The following MATN2 variants were observed in gnomAD, a reference collection of about 807,000 sequenced individuals.
MATN2 encodes matrilin 2, also known as matrilin-2.
Under a neutral mutation model 103.2 loss-of-function variants are expected in MATN2, and 69 were observed. That is an observed-to-expected ratio of 0.67 (90% CI 0.55 to 0.82). The LOEUF (loss-of-function observed/expected upper bound fraction) is 0.82. Among genes scored for constraint, MATN2 ranks in the 40% least tolerant of loss-of-function variants. The pLI is 0.00. For synonymous variants in MATN2, 429 were observed against 450.2 expected (o/e 0.95, Z 0.60); for missense variants, 1,023 against 1,211.5 (o/e 0.84, Z 2.31).
At chr8:97,930,814 G>T (rs1269211814) in intron 2 of MATN2, 139 bp from the exon 3 acceptor site, 2 of 595,962 alleles carry the variant, frequency 3.4e-6, no homozygotes, top group Admixed American at 3.1e-5. Flanking sequence ...TAGAGACAGG[G>T]TTTTACAGTG....
chr8:97,969,606 T>A (rs189415571), intron 5 of MATN2, among the ~76,000 whole-genome samples: 1 of 152,150 alleles, frequency 6.6e-6, no homozygotes, highest in Admixed American at 6.5e-5. Context: ...AGAAGTAGCT[T>A]AAGGCTGGGG....
rs551396726 is a variant in MATN2, at chr8:98,003,616, G to A, written c.1205-45G>A. On this transcript the variant is annotated intron_variant, in intron 7 of 18. Coordinates refer to ENST00000254898, the MANE Select transcript of MATN2 (RefSeq NM_002380.5). ...CCCGAGGGGCTGCCATCAGCCCTGGGAGAGGTCCAGAGTCTGAAGGAAGGT... is the reference window on the plus strand; with the variant it reads ...CCCGAGGGGCTGCCATCAGCCCTGGAAGAGGTCCAGAGTCTGAAGGAAGGT... The A allele has an allele frequency of 8.7e-6, 14 of 1,611,544 alleles. No individual in the cohort carries two copies. The African/African-American group carries it at 1.1e-4, about 12-fold the overall frequency.
intron 2 of MATN2, among the ~76,000 whole-genome samples, chr8:97,919,135 T>C (rs1809728727): frequency 1.3e-5 from 2 of 152,194 alleles, no homozygotes; most frequent in African/African-American, 2.4e-5. Flanking sequence ...TTCTAGACCC[T>C]TGGCAGATGG....
At chr8:97,899,643 C>T (rs979824632) in intron 2 of MATN2, among the ~76,000 whole-genome samples, 1 of 152,138 alleles carries the variant, frequency 6.6e-6, no homozygotes, top group Non-Finnish European at 1.5e-5. Flanking sequence ...GAATTAGGCT[C>T]GCCCTAATAA....
rs140905571 is a variant in MATN2, at chr8:98,022,145, T to C, written c.1942+818T>C. 1.0e-3 allele frequency among the ~76,000 whole-genome samples: 157 copies of C among 152,308 alleles called. 3 individuals are homozygous for C. The East Asian group carries it at 0.026, about 25-fold the overall frequency. On this transcript the variant is annotated intron_variant, in intron 13 of 18. Transcript: ENST00000254898. ...GGCTGAATAAATTAAGGCACATCTA[T>C]GTAATAAAACATGATGCAGCTGTTA...
At chr8:97,961,210 G>A (rs1481090086) in intron 4 of MATN2, among the ~76,000 whole-genome samples, 198 bp from the exon 5 acceptor site, 1 of 152,158 alleles carries the variant, frequency 6.6e-6, no homozygotes, top group Non-Finnish European at 1.5e-5. Flanking sequence ...ATTACAGATG[G>A]GGGGATTACA....
intron 2 of MATN2, among the ~76,000 whole-genome samples, chr8:97,908,525 A>G (rs1819256614): frequency 6.6e-6 from 1 of 152,246 alleles, no homozygotes; most frequent in Admixed American, 6.5e-5. Flanking sequence ...TGTATACTGA[A>G]TGAATGAGTG....
intron 2 of MATN2, among the ~76,000 whole-genome samples, chr8:97,903,370 G>C (rs893239861): frequency 3.9e-5 from 6 of 152,178 alleles, no homozygotes; most frequent in Admixed American, 3.9e-4. Context: ...CATATTTTGT[G>C]TCAGTTCCAC....
At chr8:98,013,597 G>T (rs929770258) in intron 10 of MATN2, among the ~76,000 whole-genome samples, 1 of 152,160 alleles carries the variant, frequency 6.6e-6, no homozygotes, top group Admixed American at 6.5e-5. Context: ...AAAGTCTAAA[G>T]GCCCAGGCAG....
At chr8:97,884,717 G>C (rs1818369403) in intron 1 of MATN2, among the ~76,000 whole-genome samples, 1 of 152,156 alleles carries the variant, frequency 6.6e-6, no homozygotes, top group Non-Finnish European at 1.5e-5. Flanking sequence ...GTTGCAGTGA[G>C]CCAAGATCGT....
chr8:97,975,853 G>A lies in MATN2; in HGVS notation c.959-3033G>A, dbSNP rs117598487. Among the ~76,000 whole-genome samples, 375 of 152,246 alleles carry A rather than the reference G, an allele frequency of 2.5e-3. 12 individuals are homozygous for A. In the East Asian group the frequency reaches 0.061, roughly 25 times the overall value. ...CGTGTGCCAGGGTTTAGCCTTCCTCGATCTCAGTGTTCCCAGTGTCACCAT... is the reference window on the plus strand; with the variant it reads ...CGTGTGCCAGGGTTTAGCCTTCCTCAATCTCAGTGTTCCCAGTGTCACCAT... On this transcript the variant is annotated intron_variant, in intron 5 of 18. Coordinates refer to ENST00000254898, the MANE Select transcript of MATN2 (RefSeq NM_002380.5).
intron 3 of MATN2, among the ~76,000 whole-genome samples, chr8:97,938,105 T>C (rs749617642): frequency 2.0e-5 from 3 of 152,118 alleles, no homozygotes; most frequent in Non-Finnish European, 2.9e-5. Flanking sequence ...ACCAGGTACA[T>C]CACTTGGGCC....
In MATN2 at chr8:97,888,234, C is replaced by T; in HGVS notation, c.134C>T (p.Ala45Val). The change falls in exon 2 of 19, where the codon GCC (alanine) becomes GTC (valine). Residue 45 changes from alanine (A) to valine (V), a missense_variant. Transcript: ENST00000254898. ...CACGCTCGGACCCACCCGCAGACGGCCCTTCTGGGTGAGTGGTGGTGCTCA... is the reference window on the plus strand; with the variant it reads ...CACGCTCGGACCCACCCGCAGACGGTCCTTCTGGGTGAGTGGTGGTGCTCA... The part of the protein sequence containing the change: ...GRHARTHPQT[A>V]LLESSCENKR... The T allele has an allele frequency of 6.4e-7, 1 of 1,556,914 alleles. No individual in the cohort carries two copies. Among genetic ancestry groups the T allele is most frequent in the Non-Finnish European group, 8.7e-7 (1 of 1,149,280 alleles).
chr8:97,951,281 G>T (rs1810942530), intron 4 of MATN2, among the ~76,000 whole-genome samples: 1 of 152,220 alleles, frequency 6.6e-6, no homozygotes, highest in African/African-American at 2.4e-5. Flanking sequence ...TCTGGGGTGA[G>T]TAGAGCCCCA....
chr8:98,001,229 C>A (rs973983568), intron 7 of MATN2, among the ~76,000 whole-genome samples: 2 of 152,114 alleles, frequency 1.3e-5, no homozygotes, highest in East Asian at 3.8e-4. Flanking sequence ...CCTGACAAGT[C>A]CAAAGGTGGT....
In MATN2 at chr8:98,033,721, C is replaced by T. The variant is rs745586675; in HGVS notation, c.2815+62C>T. The T allele has an allele frequency of 3.0e-5, 32 of 1,078,918 alleles. 1 individual carries two copies. The South Asian group carries it at 4.3e-4, about 15-fold the overall frequency. The allele number at this position is 1,078,918 out of a possible 1,614,324, so 66.8% of individuals were successfully genotyped here. On this transcript the variant is annotated intron_variant, in intron 18 of 18. Coordinates refer to ENST00000254898, the MANE Select transcript of MATN2 (RefSeq NM_002380.5). ...CAAAGAATATTATCAAAACTTCACA[C>T]ACTCTATGTAGGTTTTATCAACTGA...
Position 97,931,253 on chromosome 8 carries a change from T to A in MATN2, c.443T>A (p.Phe148Tyr). Reference protein sequence around the residue: ...LAIQYALNIAFSEAEGARPLR... With the variant: ...LAIQYALNIAYSEAEGARPLR... ...ATCCAGTATGCCCTGAACATCGCATTCTCAGAAGCAGAGGGGGCCCGGCCC... is the reference window on the plus strand; with the variant it reads ...ATCCAGTATGCCCTGAACATCGCATACTCAGAAGCAGAGGGGGCCCGGCCC... Residue 148 changes from phenylalanine (F) to tyrosine (Y), a missense_variant, in exon 3 of 19, where the codon TTC becomes TAC. Coordinates refer to ENST00000254898, the MANE Select transcript of MATN2 (RefSeq NM_002380.5). The surrounding 1 kb of genome is among the most constrained non-coding windows in gnomAD (Gnocchi z 4.1). 1 of 1,613,884 alleles carries A rather than the reference T, an allele frequency of 6.2e-7. No homozygotes were observed. The highest frequency in any genetic ancestry group is 1.3e-5 in the African/African-American group (1 of 75,042).
At position 98,007,384 on chromosome 8, in the gene MATN2, G is replaced by A. The variant is rs1223923427; in HGVS notation, c.1451-95G>A. 10 of 1,560,462 alleles carry A rather than the reference G, an allele frequency of 6.4e-6. No individual in the cohort carries two copies. The highest frequency in any genetic ancestry group is 4.0e-5 in the African/African-American group (3 of 74,122). On this transcript the variant is annotated intron_variant, in intron 9 of 18. Transcript: ENST00000254898. The surrounding 1 kb of genome is among the most constrained non-coding windows in gnomAD (Gnocchi z 4.2). Reference sequence around the variant, plus strand: ...ATGTCCACTGGGACTGCATGCCTTCGAGGGAGGGCGGGGTGAGCATGACGG... The same window carrying A: ...ATGTCCACTGGGACTGCATGCCTTCAAGGGAGGGCGGGGTGAGCATGACGG...
At chr8:97,932,575 C>T (rs1256713204) in intron 3 of MATN2, among the ~76,000 whole-genome samples, 1 of 152,222 alleles carries the variant, frequency 6.6e-6, no homozygotes, top group African/African-American at 2.4e-5. Flanking sequence ...TTCCTTCCCA[C>T]GCACTTTCCA....
Sources: allele counts gnomAD v4.1 joint callset (sites outside exome capture counted in the v4.1 genomes callset), GRCh38; gene constraint gnomAD v4.1.1; non-coding constraint Gnocchi (gnomAD v3.1); transcripts MANE v1.5; gene names NCBI Gene and HGNC (gene_info 2026-07-23, HGNC 2026-07-21).